PARD3: variants seen among roughly 807,000 people sequenced by gnomAD.
PARD3 encodes par-3 family cell polarity regulator.
PARD3 carries 75 observed loss-of-function variants against 155.4 expected under a neutral mutation model. The observed-to-expected ratio is 0.48, with a 90% CI of 0.40 to 0.58. The LOEUF is 0.58. PARD3 is among the 20% of genes least tolerant of loss of function. PARD3 has a pLI of 0.00. For synonymous variants in PARD3, 576 were observed against 610.5 expected, an observed-to-expected ratio of 0.94 and a Z score of 0.83; for missense variants, 1,642 against 1,721.7, an observed-to-expected ratio of 0.95 and a Z score of 0.82.
chr10:34,513,161 T>A (rs1436812347), intron 3 of PARD3, among the ~76,000 whole-genome samples: 1 of 152,194 alleles, frequency 6.6e-6, no homozygotes, highest in Non-Finnish European at 1.5e-5. Context: ...TAAAAATTGA[T>A]CATTTTATAA....
At chr10:34,666,001 G>A (rs1326624640) in intron 2 of PARD3, among the ~76,000 whole-genome samples, 1 of 151,942 alleles carries the variant, frequency 6.6e-6, no homozygotes, top group Non-Finnish European at 1.5e-5. Flanking sequence ...CTTACTTGAA[G>A]CCAGGAGTTT....
chr10:34,427,939 G>A (rs144196635), intron 5 of PARD3, among the ~76,000 whole-genome samples: 1 of 152,148 alleles, frequency 6.6e-6, no homozygotes, highest in Non-Finnish European at 1.5e-5. Flanking sequence ...TCACCATGTA[G>A]AGGAATGGGG....
At chr10:34,719,940 T>C (rs1022056997) in intron 1 of PARD3, among the ~76,000 whole-genome samples, 3 of 152,178 alleles carry the variant, frequency 2.0e-5, no homozygotes, top group African/African-American at 7.2e-5. Context: ...ATGCGAAGCC[T>C]CCAGTTTTGT....
intron 7 of PARD3, among the ~76,000 whole-genome samples, chr10:34,392,929 G>A (rs1842976702): frequency 6.6e-6 from 1 of 151,932 alleles, no homozygotes. Flanking sequence ...CTAGGGCAAG[G>A]GCTGACAACT....
At chr10:34,714,825 AG>A (rs371896856) in intron 1 of PARD3, among the ~76,000 whole-genome samples, 12 of 148,998 alleles carry the variant, frequency 8.1e-5, no homozygotes, top group African/African-American at 2.5e-4. Flanking sequence ...CCCAGGCTGG[AG>A]GGCAGTGGTG....
intron 20 of PARD3, among the ~76,000 whole-genome samples, chr10:34,305,441 C>T (rs1957356266): frequency 1.3e-5 from 2 of 152,214 alleles, no homozygotes; most frequent in Admixed American, 1.3e-4. Flanking sequence ...CAGCAGCTGC[C>T]CACAAAGCTT....
chr10:34,649,017 G>A (rs1286267509), intron 2 of PARD3, among the ~76,000 whole-genome samples: 1 of 152,162 alleles, frequency 6.6e-6, no homozygotes, highest in African/African-American at 2.4e-5. Flanking sequence ...CCAAGTTTGG[G>A]AGATTCCTGA....
chr10:34,400,613 T>C (rs1843778516), intron 6 of PARD3, among the ~76,000 whole-genome samples: 1 of 152,174 alleles, frequency 6.6e-6, no homozygotes, highest in African/African-American at 2.4e-5. Flanking sequence ...GATCACAATA[T>C]AATTTTATGT....
At chr10:34,731,429 A>C (rs999610960) in intron 1 of PARD3, among the ~76,000 whole-genome samples, 7 of 152,230 alleles carry the variant, frequency 4.6e-5, no homozygotes, top group African/African-American at 1.7e-4. Context: ...AGCGCTGACT[A>C]GACAAATTTG....
chr10:34,704,266 C>A (rs893984241), intron 1 of PARD3, among the ~76,000 whole-genome samples: 1 of 152,118 alleles, frequency 6.6e-6, no homozygotes, highest in Admixed American at 6.6e-5. Flanking sequence ...AAAAAACATT[C>A]CTCATTTCAG....
At chr10:34,618,029 CTTTCT>C (rs1254796268) in intron 2 of PARD3, among the ~76,000 whole-genome samples, 3 of 152,160 alleles carry the variant, frequency 2.0e-5, no homozygotes, top group Non-Finnish European at 4.4e-5. Flanking sequence ...GGAAAAATCA[CTTTCT>C]TTTAATAGAG....
intron 4 of PARD3, among the ~76,000 whole-genome samples, chr10:34,453,979 AT>A (rs2077196121): frequency 6.6e-6 from 1 of 152,214 alleles, no homozygotes; most frequent in South Asian, 2.1e-4. Context: ...TAACAAAGGA[AT>A]TTTCCTAATT....
chr10:34,402,634 C>G (rs990501161), intron 5 of PARD3, among the ~76,000 whole-genome samples: 1 of 152,158 alleles, frequency 6.6e-6, no homozygotes, highest in African/African-American at 2.4e-5. Flanking sequence ...TACTCAGCCC[C>G]CATCCTCCTA....
chr10:34,607,349 A>G (rs1286246973), intron 2 of PARD3, among the ~76,000 whole-genome samples: 2 of 152,236 alleles, frequency 1.3e-5, no homozygotes, highest in Non-Finnish European at 2.9e-5. Context: ...AGAAATAAGA[A>G]GATGACAACC....
chr10:34,476,820 A>G (rs1422363498), intron 3 of PARD3, among the ~76,000 whole-genome samples: 2 of 152,212 alleles, frequency 1.3e-5, no homozygotes, highest in Admixed American at 6.5e-5. Flanking sequence ...GACAAGCAAC[A>G]CAGAGTTCTA....
At chr10:34,759,654 C>T (rs1837191399) in intron 1 of PARD3, among the ~76,000 whole-genome samples, 1 of 152,218 alleles carries the variant, frequency 6.6e-6, no homozygotes, top group African/African-American at 2.4e-5. Context: ...TTCAACAGCA[C>T]ATCGCCTAAG....
chr10:34,701,985 A>G (rs1318537389), intron 1 of PARD3, among the ~76,000 whole-genome samples: 1 of 152,082 alleles, frequency 6.6e-6, no homozygotes, highest in East Asian at 1.9e-4. Flanking sequence ...CAACATGGTG[A>G]AAGCAAGTCT....
intron 1 of PARD3, among the ~76,000 whole-genome samples, chr10:34,740,426 G>A (rs891260026): frequency 1.3e-5 from 2 of 152,210 alleles, no homozygotes; most frequent in Non-Finnish European, 2.9e-5. Context: ...CACGACCCAA[G>A]AATCTTTTGA....
intron 20 of PARD3, among the ~76,000 whole-genome samples, chr10:34,290,669 C>T (rs1460331353): frequency 6.6e-6 from 1 of 152,212 alleles, no homozygotes; most frequent in Non-Finnish European, 1.5e-5. Context: ...ATCACATGAT[C>T]CATTCTGTCC....
Sources: gnomAD v4.1 joint callset for allele counts (sites outside exome capture counted in the v4.1 genomes callset) on GRCh38, gnomAD v4.1.1 for gene constraint, MANE v1.5 for transcripts, NCBI Gene and HGNC (gene_info 2026-07-23, HGNC 2026-07-21) for gene names.